The following USP34 variants were observed in gnomAD, a reference collection of about 807,000 sequenced individuals.
USP34 encodes ubiquitin specific peptidase 34.
USP34 carries 70 observed loss-of-function variants against 460.3 expected under a neutral mutation model. The ratio of observed to expected loss-of-function variants is 0.15; its 90% CI spans 0.13 to 0.19. The LOEUF (loss-of-function observed/expected upper bound fraction) is 0.19, where lower values mean the gene tolerates loss of function less well. USP34 is among the 10% of genes least tolerant of loss of function. The probability of loss-of-function intolerance (pLI) is 1.00; values close to 1 mark genes in which losing one functional copy is unlikely to be tolerated. For missense variants in USP34, 3,985 were observed against 4,236.2 expected (o/e 0.94, Z 1.65); for synonymous variants, 1,647 against 1,405.3 (o/e 1.17, Z -3.85).
intron 41 of USP34, among the ~76,000 whole-genome samples, chr2:61,266,924 T>G (rs1219292495): frequency 6.6e-6 from 1 of 152,228 alleles, no homozygotes; most frequent in Non-Finnish European, 1.5e-5. Context: ...CTAACGGGTT[T>G]ATGCTAAAGA....
intron 19 of USP34, 52 bp downstream of exon 19, chr2:61,333,830 A>T (rs993526805): frequency 7.1e-6 from 9 of 1,270,906 alleles, no homozygotes; most frequent in Non-Finnish European, 9.6e-6. Context: ...TTAGATAACT[A>T]TAATTAGAAA....
At chr2:61,353,181 T>A (rs1478053578) in intron 10 of USP34, among the ~76,000 whole-genome samples, 1 of 152,200 alleles carries the variant, frequency 6.6e-6, no homozygotes, top group Non-Finnish European at 1.5e-5. Context: ...AACATCAAGA[T>A]TCTCTGTTCC....
intron 27 of USP34, among the ~76,000 whole-genome samples, chr2:61,310,019 G>A (rs1033326860): frequency 6.6e-6 from 1 of 152,044 alleles, no homozygotes; most frequent in Admixed American, 6.6e-5. Context: ...ATACATGGAG[G>A]TAAGACTATA....
In USP34 at chr2:61,256,898, T is replaced by G; in HGVS notation, c.6101A>C (p.Gln2034Pro). 6.4e-7 allele frequency: 1 copy of G among 1,568,314 alleles called. No individual in the cohort carries two copies. Among genetic ancestry groups the G allele is most frequent in the Non-Finnish European group, 8.6e-7 (1 of 1,160,262 alleles). ...TAEEFYTVRCQVADMKNIYES... is the reference protein window; with the variant it reads ...TAEEFYTVRCPVADMKNIYES... ...ATAAATGTTCTTCATATCAGCCACT[T>G]GGCACCTCACAGTATAAAACTCTTC... The change falls in exon 47 of 80, where the codon CAA becomes CCA. Residue 2034 changes from glutamine to proline, a missense_variant. Transcript: ENST00000398571.
chr2:61,407,833 G>C (rs1693922700), intron 2 of USP34, among the ~76,000 whole-genome samples: 1 of 152,142 alleles, frequency 6.6e-6, no homozygotes, highest in African/African-American at 2.4e-5. Flanking sequence ...CCAGCACTGA[G>C]GCTGGGTGTG....
In USP34 at chr2:61,278,184, T is replaced by A; in HGVS notation, c.5414A>T (p.Lys1805Ile). 1.2e-6 allele frequency: 2 copies of A among 1,613,206 alleles called. No individual in the cohort carries two copies. Among genetic ancestry groups the A allele is most frequent in the Non-Finnish European group, 1.7e-6 (2 of 1,179,550 alleles). Residue 1805 changes from lysine to isoleucine, a missense_variant, in exon 41 of 80, where the codon AAA becomes ATA. By Grantham distance (102) the Lys-to-Ile change is moderately radical (BLOSUM62 -3). This residue lies in a region of USP34 where 1,114 missense variants were observed against 1,122.5 expected (regional missense o/e 0.99). Coordinates refer to ENST00000398571, the MANE Select transcript of USP34 (RefSeq NM_014709.4). ...ACTTACCTGTCCTTCCCTTGAAAAT[T>A]TAAAGGGTGGTTTGTGTTTAACAAC... ...TSVVKHKPPFKFSREGQEFLR... is the reference protein window; with the variant it reads ...TSVVKHKPPFIFSREGQEFLR...
chr2:61,301,452 C>A lies in USP34; in HGVS notation c.3820G>T (p.Gly1274Cys), dbSNP rs780748607. Residue 1274 changes from glycine (G) to cysteine (C), a missense_variant and splice_region_variant, in exon 28 of 80, where the codon GGC (glycine) becomes TGC (cysteine). Transcript: ENST00000398571. ...ATCATCCTGACAGGTCCCATGAGGC[C>A]TCCTTAAAAACAGCAAAACATGGAA... is the stretch of plus-strand genomic sequence containing the variant. ...QSNRKGEFPG[G>C]LMGPVRMISS... 31 of 1,609,384 alleles carry A rather than the reference C, an allele frequency of 1.9e-5. No homozygotes were observed. The South Asian group carries it at 3.3e-4, about 17-fold the overall frequency.
At chr2:61,289,670 A>G (rs1037517587) in intron 33 of USP34, among the ~76,000 whole-genome samples, 1 of 152,162 alleles carries the variant, frequency 6.6e-6, no homozygotes, top group African/African-American at 2.4e-5. Flanking sequence ...AACCGAAAGA[A>G]AGACAGCAAG....
chr2:61,289,743 T>G (rs1217296095), intron 33 of USP34, among the ~76,000 whole-genome samples: 5 of 152,086 alleles, frequency 3.3e-5, no homozygotes, highest in Admixed American at 3.3e-4. Flanking sequence ...AATAGCCGTA[T>G]GAAGAAGGAA....
intron 5 of USP34, among the ~76,000 whole-genome samples, chr2:61,385,435 G>A (rs1412959168): frequency 4.6e-5 from 7 of 151,928 alleles, no homozygotes; most frequent in Middle Eastern, 3.2e-3. Flanking sequence ...ACTTTGGGAG[G>A]CCGAGGCGGG....
In USP34 at chr2:61,320,887, G is replaced by A. The variant is rs549047743; in HGVS notation, c.3014-1560C>T. Among the ~76,000 whole-genome samples, 4 of 152,258 alleles carry A rather than the reference G, an allele frequency of 2.6e-5. No homozygotes were observed. In the South Asian group the frequency reaches 8.3e-4, roughly 32 times the overall value. The stretch of plus-strand genomic sequence containing the variant: ...TAGCCAGGCGTGGTGGTGGGTGCCT[G>A]TAATCCCAGCTACTCGGGAGGATAA... On this transcript the variant is annotated intron_variant, in intron 21 of 79. Coordinates refer to ENST00000398571, the MANE Select transcript of USP34 (RefSeq NM_014709.4).
chr2:61,417,104 G>A (rs1248599213), intron 2 of USP34: 1 of 1,500,698 alleles, frequency 6.7e-7, no homozygotes, highest in Non-Finnish European at 9.1e-7. Context: ...TTGTTCTGCA[G>A]CTTGGTATGG....
chr2:61,198,278 T>G (rs979577667), intron 75 of USP34, among the ~76,000 whole-genome samples: 2 of 152,252 alleles, frequency 1.3e-5, no homozygotes, highest in Non-Finnish European at 2.9e-5. Context: ...TTCTGCATAT[T>G]ATTTTTACAT....
chr2:61,435,307 C>CCAAAAAA, intron 1 of USP34, among the ~76,000 whole-genome samples: 1 of 40,954 alleles, frequency 2.4e-5, no homozygotes, highest in South Asian at 1.6e-3. Flanking sequence ...GACCTTGTTT[C>CCAAAAAA]AAAAAAAAAA....
intron 76 of USP34, among the ~76,000 whole-genome samples, chr2:61,192,005 A>G (rs2103737075): frequency 6.6e-6 from 1 of 152,350 alleles, no homozygotes; most frequent in Non-Finnish European, 1.5e-5. Context: ...GACTCTGATA[A>G]GGTCTCTACA....
At chr2:61,433,762 A>T (rs1558591647) in intron 1 of USP34, among the ~76,000 whole-genome samples, 1 of 151,992 alleles carries the variant, frequency 6.6e-6, no homozygotes, top group African/African-American at 2.4e-5. Context: ...GTGCTCCCCA[A>T]CCCCCACCTA....
chr2:61,319,353 C>T, intron 21 of USP34, 26 bp from the exon 22 acceptor site: 1 of 1,450,134 alleles, frequency 6.9e-7, no homozygotes, highest in African/African-American at 1.5e-5. Flanking sequence ...AAATTTTATA[C>T]TTTATTAACT....
chr2:61,295,329 C>A, intron 30 of USP34, 39 bp from the exon 31 acceptor site: 1 of 1,546,682 alleles, frequency 6.5e-7, no homozygotes, highest in Admixed American at 2.2e-5. Context: ...CCAACTTACT[C>A]AGGGAACACA....
At chr2:61,353,358 T>A (rs1259113048) in intron 10 of USP34, among the ~76,000 whole-genome samples, 1 of 151,234 alleles carries the variant, frequency 6.6e-6, no homozygotes, top group African/African-American at 2.4e-5. Flanking sequence ...ACAGAAAATA[T>A]ACCTGAAGTC....
Sources: allele counts gnomAD v4.1 joint callset (sites outside exome capture counted in the v4.1 genomes callset), GRCh38; gene constraint gnomAD v4.1.1; regional missense constraint gnomAD v4.1.1; transcripts MANE v1.5; gene names NCBI Gene and HGNC (gene_info 2026-07-23, HGNC 2026-07-21).